The following SLC2A1 variants were observed in gnomAD, a reference collection of about 807,000 sequenced individuals.
SLC2A1 encodes the protein solute carrier family 2 member 1, also known as solute carrier family 2, facilitated glucose transporter member 1.
SLC2A1 carries 4 observed loss-of-function variants against 46.6 expected under a neutral mutation model. The ratio of observed to expected loss-of-function variants is 0.09; its 90% CI spans 0.04 to 0.20. SLC2A1 has a LOEUF of 0.20. SLC2A1 is among the 10% of genes least tolerant of loss of function. The pLI, the probability that SLC2A1 is intolerant of heterozygous loss-of-function variation, is 1.00. For synonymous variants in SLC2A1, 253 were observed against 270.0 expected, an observed-to-expected ratio of 0.94 and a Z score of 0.62; for missense variants, 352 against 667.0, an observed-to-expected ratio of 0.53 and a Z score of 5.20.
At chr1:42,938,892 C>T (rs1212029921) in intron 2 of SLC2A1, among the ~76,000 whole-genome samples, 2 of 152,338 alleles carry the variant, frequency 1.3e-5, no homozygotes, top group South Asian at 4.1e-4. Flanking sequence ...TCTCACAGCA[C>T]CTTGAAGCCC....
intron 1 of SLC2A1, among the ~76,000 whole-genome samples, chr1:42,945,698 C>A (rs141017241): frequency 6.7e-6 from 1 of 150,134 alleles, no homozygotes; most frequent in South Asian, 2.1e-4. Flanking sequence ...CGAGATGGCG[C>A]CACTGCACTC....
chr1:42,939,122 C>T (rs1435955045), intron 2 of SLC2A1, among the ~76,000 whole-genome samples: 1 of 152,280 alleles, frequency 6.6e-6, no homozygotes, highest in African/African-American at 2.4e-5. Flanking sequence ...GATGGAATCT[C>T]TGTGTCGCCC....
chr1:42,929,354 T>C lies in SLC2A1; in HGVS notation c.868-40A>G. The C allele has an allele frequency of 6.6e-7, 1 of 1,506,912 alleles. No individual in the cohort carries two copies. Among genetic ancestry groups the C allele is most frequent in the Non-Finnish European group, 9.1e-7 (1 of 1,096,336 alleles). The allele number at this position is 1,506,912 out of a possible 1,614,324, so 93.3% of individuals were successfully genotyped here. ...AAACTGTTGGGGCCTACCTGGACAT[T>C]GTGGCCCTTCCCTGCCTCTGTAGCA... On this transcript the variant is annotated intron_variant, in intron 6 of 9. Coordinates refer to ENST00000426263, the MANE Select transcript of SLC2A1 (RefSeq NM_006516.4). The surrounding 1 kb of genome is among the most constrained non-coding windows in gnomAD (Gnocchi z 6.0).
chr1:42,955,498 T>C (rs1643762933), intron 1 of SLC2A1, among the ~76,000 whole-genome samples: 1 of 152,142 alleles, frequency 6.6e-6, no homozygotes, highest in Admixed American at 6.5e-5. Context: ...TGGTTCCAGC[T>C]ACTCAAGAGG....
intron 1 of SLC2A1, among the ~76,000 whole-genome samples, chr1:42,958,078 G>A (rs1178961622): frequency 6.6e-6 from 1 of 152,180 alleles, no homozygotes; most frequent in Non-Finnish European, 1.5e-5. Context: ...CTGGCGGGAG[G>A]AGTAGGGGAG....
At chr1:42,953,316 T>C (rs1001686424) in intron 1 of SLC2A1, among the ~76,000 whole-genome samples, 2 of 152,230 alleles carry the variant, frequency 1.3e-5, no homozygotes, top group Non-Finnish European at 2.9e-5. Flanking sequence ...TGCAAAACCC[T>C]AATGTTTATG....
chr1:42,958,352 G>C (rs1365462996), intron 1 of SLC2A1, among the ~76,000 whole-genome samples: 1 of 151,006 alleles, frequency 6.6e-6, no homozygotes, highest in Non-Finnish European at 1.5e-5. Context: ...GGGCCGCGTG[G>C]ACGGCGCGGC....
intron 2 of SLC2A1, 24 bp from the exon 3 acceptor site, chr1:42,931,230 G>A (rs915520868): frequency 1.2e-6 from 2 of 1,611,358 alleles, no homozygotes; most frequent in African/African-American, 1.3e-5. Flanking sequence ...TGCAGCCTGG[G>A]TGAGCAAGCC....
intron 1 of SLC2A1, among the ~76,000 whole-genome samples, chr1:42,956,407 CAAA>C (rs71577684): frequency 1.5e-3 from 68 of 44,528 alleles, no homozygotes; most frequent in African/African-American, 6.6e-3. Context: ...ACTAAAACTA[CAAA>C]AAAAAAAAAA....
At position 42,927,294 on chromosome 1, in the gene SLC2A1, G is replaced by T; in HGVS notation, c.1279-53C>A. ...GGAGTCATGACCCTACATCCTGGCT[G>T]TAGGACTTTGGATAAGTCACTTTAC... On this transcript the variant is annotated intron_variant, in intron 9 of 9. Coordinates refer to ENST00000426263, the MANE Select transcript of SLC2A1 (RefSeq NM_006516.4). The surrounding 1 kb of genome is among the most constrained non-coding windows in gnomAD (Gnocchi z 5.3). 1 of 1,546,072 alleles carries T rather than the reference G, an allele frequency of 6.5e-7. No individual in the cohort carries two copies. Among genetic ancestry groups the T allele is most frequent in the East Asian group, 2.3e-5 (1 of 44,416 alleles).
intron 1 of SLC2A1, among the ~76,000 whole-genome samples, chr1:42,946,295 C>T (rs980220883): frequency 1.3e-5 from 2 of 152,200 alleles, no homozygotes; most frequent in Admixed American, 6.5e-5. Flanking sequence ...CCACATCCAC[C>T]CAGGCAGCTG....
rs550156548 is a variant in SLC2A1, at chr1:42,927,596, G to C, written c.1278+9C>G. Reference sequence around the variant, plus strand: ...TGCGGGTGAGTATAGAGACAGTGGGGGTTCTCACCTCCACATACTGGAAGC... The same window carrying C: ...TGCGGGTGAGTATAGAGACAGTGGGCGTTCTCACCTCCACATACTGGAAGC... On this transcript the variant is annotated intron_variant, in intron 9 of 9. Coordinates refer to ENST00000426263, the MANE Select transcript of SLC2A1 (RefSeq NM_006516.4). The surrounding 1 kb of genome is among the most constrained non-coding windows in gnomAD (Gnocchi z 5.3). The C allele has an allele frequency of 4.4e-5, 67 of 1,536,902 alleles. No homozygotes were observed. In the East Asian group the frequency reaches 1.5e-3, roughly 35 times the overall value.
Position 42,930,924 on chromosome 1 carries a change from G to T in SLC2A1, c.276-58C>A. The T allele has an allele frequency of 1.2e-6, 2 of 1,605,128 alleles. No individual in the cohort carries two copies. Among genetic ancestry groups the T allele is most frequent in the Non-Finnish European group, 1.7e-6 (2 of 1,179,526 alleles). On this transcript the variant is annotated intron_variant, in intron 3 of 9. Coordinates refer to ENST00000426263, the MANE Select transcript of SLC2A1 (RefSeq NM_006516.4). The surrounding 1 kb of genome is among the most constrained non-coding windows in gnomAD (Gnocchi z 6.2). ...CACATTCCTTGGGCTCCGAGGGGCT[G>T]GGTCAGAGGTAATACCCTGGAACAG...
chr1:42,939,681 C>T (rs1400608911), intron 2 of SLC2A1, among the ~76,000 whole-genome samples: 1 of 152,198 alleles, frequency 6.6e-6, no homozygotes, highest in African/African-American at 2.4e-5. Flanking sequence ...GGCATGGTGG[C>T]TCATACCTGT....
intron 1 of SLC2A1, among the ~76,000 whole-genome samples, chr1:42,951,129 C>T (rs969952844): frequency 2.6e-5 from 4 of 152,178 alleles, no homozygotes; most frequent in Non-Finnish European, 5.9e-5. Flanking sequence ...TATACCAAAT[C>T]CCTGCCTATG....
intron 1 of SLC2A1, among the ~76,000 whole-genome samples, chr1:42,945,158 C>G (rs891081633): frequency 2.0e-5 from 3 of 146,590 alleles, no homozygotes; most frequent in East Asian, 4.1e-4. Flanking sequence ...GTATTACCTG[C>G]ATTTGCTCAT....
chr1:42,943,711 A>G (rs1021270202), intron 1 of SLC2A1, among the ~76,000 whole-genome samples: 1 of 152,106 alleles, frequency 6.6e-6, no homozygotes, highest in Non-Finnish European at 1.5e-5. Flanking sequence ...GGCCCAAATT[A>G]CTTGGTAGGA....
rs904584009 is a variant in SLC2A1, at chr1:42,958,741, C to G, written c.-90G>C. The G allele has an allele frequency of 7.3e-7, 1 of 1,367,122 alleles. No homozygotes were observed. Among genetic ancestry groups the G allele is most frequent in the Non-Finnish European group, 1.0e-6 (1 of 1,001,732 alleles). 84.7% of individuals were successfully genotyped at this position (1,367,122 alleles called of 1,614,324 possible). A position where few individuals can be genotyped will look rare whatever the true frequency, so the allele number is the denominator to read the frequency against. On this transcript the variant is annotated 5_prime_UTR_variant, in exon 1 of 10. Transcript: ENST00000426263. ...CGCTCTCCCGCTCAGGCTCGTGCTC[C>G]GGTCCGGGGACTCCCACTGCGACTC...
rs71577684 is a variant in SLC2A1 at position 42,956,407 on chromosome 1, C to CAAAAAAAAAAAAAAAAAAAAAAAAA, written c.18+2202_18+2226dup. On this transcript the variant is annotated intron_variant, in intron 1 of 9. Transcript: ENST00000426263. ...AGAAACCCCGTCTCTACTAAAACTA[C>CAAAAAAAAAAAAAAAAAAAAAAAAA]AAAAAAAAAAAAAAAAAAAAAAAAA... 9.0e-5 allele frequency among the ~76,000 whole-genome samples: 4 copies of CAAAAAAAAAAAAAAAAAAAAAAAAA among 44,536 alleles called. 1 individual carries two copies. The highest frequency in any genetic ancestry group is 4.9e-4 in the Admixed American group (2 of 4,112). 29.2% of individuals were successfully genotyped at this position (44,536 alleles called of 152,430 possible).
Sources: allele counts gnomAD v4.1 joint callset (sites outside exome capture counted in the v4.1 genomes callset), GRCh38; gene constraint gnomAD v4.1.1; non-coding constraint Gnocchi (gnomAD v3.1); transcripts MANE v1.5; gene names NCBI Gene and HGNC (gene_info 2026-07-23, HGNC 2026-07-21).